The following FOXRED1 variants were observed in gnomAD, a reference collection of about 807,000 sequenced individuals.
The protein encoded by FOXRED1 is FAD-dependent oxidoreductase domain-containing protein 1.
Under a neutral mutation model 57.8 loss-of-function variants are expected in FOXRED1, and 52 were observed. The observed-to-expected ratio is 0.90, with a 90% confidence interval of 0.72 to 1.13. The LOEUF is 1.13. Ranked by LOEUF, FOXRED1 falls within the 50% of genes most tolerant of loss-of-function variation. FOXRED1 has a pLI of 0.00. For synonymous variants in FOXRED1, 271 were observed against 248.3 expected (o/e 1.09, Z -0.86); for missense variants, 589 against 625.2 (o/e 0.94, Z 0.62).
chr11:126,275,391 G>A lies in FOXRED1; in HGVS notation c.696G>A (p.Gln232=). The part of the protein sequence containing the change: ...CLLQGLRRKV[Q]SLGVLFCQGE... The stretch of plus-strand genomic sequence containing the variant: ...TCCAGGGGCTTCGGCGAAAGGTCCA[G>A]TCCTTGGGAGTCCTTTTCTGCCAGG... Residue 232 remains glutamine, a synonymous_variant, in exon 6 of 11, where the codon CAG becomes CAA. Coordinates refer to ENST00000263578, the MANE Select transcript of FOXRED1 (RefSeq NM_017547.4). The surrounding 1 kb of genome is among the most constrained non-coding windows in gnomAD (Gnocchi z 5.9). 1.9e-6 allele frequency: 3 copies of A among 1,613,874 alleles called. No homozygotes were observed. Among genetic ancestry groups the A allele is most frequent in the Non-Finnish European group, 8.5e-7 (1 of 1,179,796 alleles).
chr11:126,276,454 C>T lies in FOXRED1; in HGVS notation c.1032C>T (p.Asp344=), dbSNP rs1400208510. 3.1e-6 allele frequency: 5 copies of T among 1,607,688 alleles called. No individual in the cohort carries two copies. Among genetic ancestry groups the T allele is most frequent in the Non-Finnish European group, 4.2e-6 (5 of 1,177,144 alleles). ...GCCTAGAGACTCCGCTTGTTGCAGACACCAGTGGAGCCTATTTTCGCCGGG... is the reference window on the plus strand; with the variant it reads ...GCCTAGAGACTCCGCTTGTTGCAGATACCAGTGGAGCCTATTTTCGCCGGG... ...GPGLETPLVA[D]TSGAYFRREG... The change falls in exon 9 of 11, where the codon GAC becomes GAT. Residue 344 remains aspartate (D), a synonymous_variant. Coordinates refer to ENST00000263578, the MANE Select transcript of FOXRED1 (RefSeq NM_017547.4).
In FOXRED1 at chr11:126,275,283, G is replaced by A; in HGVS notation, c.632-44G>A. ...GCACAGGAAATACAATCCAAGAGCA[G>A]AAGTCCTCATCCCTCTTTGTGAGTT... is the stretch of plus-strand genomic sequence containing the variant. On this transcript the variant is annotated intron_variant, in intron 5 of 10. Transcript: ENST00000263578. This position sits in a 1 kb window ranked among gnomAD's most constrained non-coding sequence, Gnocchi z 5.9. The A allele has an allele frequency of 7.3e-7, 1 of 1,375,808 alleles. No individual in the cohort carries two copies. Among genetic ancestry groups the A allele is most frequent in the Non-Finnish European group, 1.0e-6 (1 of 962,648 alleles). The allele number at this position is 1,375,808 out of a possible 1,614,324, so 85.2% of individuals were successfully genotyped here.
rs1951115272 is a variant in FOXRED1 at position 126,275,870 on chromosome 11, T to G, written c.810T>G (p.His270Gln). Residue 270 changes from histidine (H) to glutamine (Q), a missense_variant and splice_region_variant, in exon 7 of 11, where the codon CAT becomes CAG. By Grantham distance (24) the His-to-Gln change is conservative (BLOSUM62 0). Transcript: ENST00000263578. The surrounding 1 kb of genome is among the most constrained non-coding windows in gnomAD (Gnocchi z 5.9). ...AVVLKRIHEV[H>Q]VKMDRSLEYQ... ...TCTTGAAAAGGATCCATGAAGTCCA[T>G]GTAAGTTTCTAGTCTGTGATGTCCT... 15 of 1,604,570 alleles carry G rather than the reference T, an allele frequency of 9.3e-6. No homozygotes were observed. Among genetic ancestry groups the G allele is most frequent in the Admixed American group, 5.0e-5 (3 of 59,992 alleles).
At chr11:126,270,787 T>C (rs1480779466) in intron 1 of FOXRED1, among the ~76,000 whole-genome samples, 2 of 152,152 alleles carry the variant, frequency 1.3e-5, no homozygotes, top group Admixed American at 1.3e-4. Flanking sequence ...GAAAAGATAT[T>C]TCTAGCTATA....
rs1951040972 is a variant in FOXRED1, at chr11:126,273,257, G to C, written c.418-79G>C. The C allele has an allele frequency of 2.6e-6, 3 of 1,154,040 alleles. No individual in the cohort carries two copies. In the Admixed American group the frequency reaches 5.0e-5, roughly 19 times the overall value. 71.5% of individuals were successfully genotyped at this position (1,154,040 alleles called of 1,614,324 possible). ...AGGTCTGGGGCACTGAGCCTGGGGA[G>C]CTGTGGGGGAAGAAGGCAGGAAAAC... On this transcript the variant is annotated intron_variant, in intron 3 of 10. Transcript: ENST00000263578. The surrounding 1 kb of genome is among the most constrained non-coding windows in gnomAD (Gnocchi z 5.9).
At position 126,271,930 on chromosome 11, in the gene FOXRED1, A is replaced by C; in HGVS notation, c.306+273A>C. 1 of 442,000 alleles carries C rather than the reference A, an allele frequency of 2.3e-6. No individual in the cohort carries two copies. The highest frequency in any genetic ancestry group is 4.2e-6 in the Non-Finnish European group (1 of 238,132). 27.4% of individuals were successfully genotyped at this position (442,000 alleles called of 1,614,324 possible). On this transcript the variant is annotated intron_variant, in intron 2 of 10. Transcript: ENST00000263578. The surrounding 1 kb of genome is among the most constrained non-coding windows in gnomAD (Gnocchi z 5.3). ...CATAGCTCTGGTCATGAGAGCCTGC[A>C]TTCAAGCTATAATTAAGTGTCTCAA...
Position 126,275,717 on chromosome 11 carries a change from C to T in FOXRED1, c.734-77C>T. The T allele has an allele frequency of 9.6e-7, 1 of 1,043,788 alleles. No homozygotes were observed. The highest frequency in any genetic ancestry group is 1.5e-6 in the Non-Finnish European group (1 of 670,512). 64.7% of individuals were successfully genotyped at this position (1,043,788 alleles called of 1,614,324 possible). A position where few individuals can be genotyped will look rare whatever the true frequency, so the allele number is the denominator to read the frequency against. On this transcript the variant is annotated intron_variant, in intron 6 of 10. Coordinates refer to ENST00000263578, the MANE Select transcript of FOXRED1 (RefSeq NM_017547.4). The surrounding 1 kb of genome is among the most constrained non-coding windows in gnomAD (Gnocchi z 5.9). The stretch of plus-strand genomic sequence containing the variant: ...GCTCCCATCCTTCCAGCTTTCTTTC[C>T]TTAAGAAACCAGTGAAATCCCCATT...
In FOXRED1 at chr11:126,277,687, T is replaced by C; in HGVS notation, c.1459T>C (p.Ter487ArgextTer64). 6.2e-7 allele frequency: 1 copy of C among 1,613,502 alleles called. No homozygotes were observed. ...GEKIQENNII[*>R] is the part of the protein sequence containing the mutation. ...GAAGATCCAGGAGAACAACATCATC[T>C]GAGCATGTGTGCTCTGCACTGGCTC... is the stretch of plus-strand genomic sequence containing the variant. The change falls in exon 11 of 11, where the codon TGA (stop) becomes CGA (arginine). Residue 487 changes from the stop codon to arginine, a stop_lost. Coordinates refer to ENST00000263578, the MANE Select transcript of FOXRED1 (RefSeq NM_017547.4). This position sits in a 1 kb window ranked among gnomAD's most constrained non-coding sequence, Gnocchi z 6.8.
At position 126,276,535 on chromosome 11, in the gene FOXRED1, G is replaced by A. The variant is rs1212098547; in HGVS notation, c.1101+12G>A. The A allele has an allele frequency of 3.1e-6, 5 of 1,602,648 alleles. 1 individual carries two copies. Among genetic ancestry groups the A allele is most frequent in the East Asian group, 2.3e-5 (1 of 44,294 alleles). ...GTAGCCCCACTGAGGTAAGCTGAGT[G>A]GGGTGGGACATGCTGGCAAGGAGAC... On this transcript the variant is annotated intron_variant, in intron 9 of 10. Transcript: ENST00000263578.
intron 1 of FOXRED1, among the ~76,000 whole-genome samples, chr11:126,270,772 GT>G (rs1565351249): frequency 1.3e-5 from 2 of 152,316 alleles, no homozygotes; most frequent in Non-Finnish European, 2.9e-5. Flanking sequence ...TTAAATTTGT[GT>G]TTTGAAAAGA....
In FOXRED1 at chr11:126,277,010, A is replaced by C; in HGVS notation, c.1102-61A>C. The C allele has an allele frequency of 2.9e-6, 3 of 1,040,434 alleles. No individual in the cohort carries two copies. Among genetic ancestry groups the C allele is most frequent in the South Asian group, 2.5e-5 (2 of 79,634 alleles). The allele number at this position is 1,040,434 out of a possible 1,614,324, so 64.5% of individuals were successfully genotyped here. ...CCTACCTGCACAGGGATTGTTAAACAAGTCTGGGCCTGTCCTTGTGTCCCA... is the reference window on the plus strand; with the variant it reads ...CCTACCTGCACAGGGATTGTTAAACCAGTCTGGGCCTGTCCTTGTGTCCCA... On this transcript the variant is annotated intron_variant, in intron 9 of 10. Transcript: ENST00000263578. This position sits in a 1 kb window ranked among gnomAD's most constrained non-coding sequence, Gnocchi z 6.8.
intron 1 of FOXRED1, among the ~76,000 whole-genome samples, chr11:126,270,348 A>G (rs1312840181): frequency 6.6e-6 from 1 of 152,226 alleles, no homozygotes; most frequent in African/African-American, 2.4e-5. Flanking sequence ...TAAGATACTT[A>G]CTGAGCACTT....
intron 9 of FOXRED1, 80 bp from the exon 10 acceptor site, chr11:126,276,991 T>A (rs1951170149): frequency 2.2e-6 from 2 of 890,874 alleles, no homozygotes. Context: ...ATCCCCTACC[T>A]GCACAGGGAT....
chr11:126,269,803 A>G (rs991880849), intron 1 of FOXRED1, among the ~76,000 whole-genome samples: 2 of 152,028 alleles, frequency 1.3e-5, no homozygotes, highest in African/African-American at 2.4e-5. Flanking sequence ...CCTGACCAAC[A>G]TGGTGAAACA....
intron 9 of FOXRED1, 160 bp from the exon 10 acceptor site, chr11:126,276,911 T>TG: frequency 1.5e-6 from 1 of 653,800 alleles, no homozygotes; most frequent in Non-Finnish European, 2.8e-6. Flanking sequence ...CAGCCTTTTT[T>TG]GGGGGGCTGT....
At chr11:126,269,665 A>G (rs1296333767) in intron 1 of FOXRED1, among the ~76,000 whole-genome samples, 1 of 152,104 alleles carries the variant, frequency 6.6e-6, no homozygotes, top group East Asian at 1.9e-4. Context: ...GTGTACCTAG[A>G]GAGGGAAAAT....
chr11:126,275,666 CTGTT>C lies in FOXRED1; in HGVS notation c.734-125_734-122del, dbSNP rs1031906498. The C allele has an allele frequency of 6.9e-5, 52 of 756,236 alleles. No homozygotes were observed. The highest frequency in any genetic ancestry group is 8.4e-5 in the Non-Finnish European group (36 of 429,976). The allele number at this position is 756,236 out of a possible 1,614,324, so 46.8% of individuals were successfully genotyped here. A position where few individuals can be genotyped will look rare whatever the true frequency, so the allele number is the denominator to read the frequency against. ...CAAGCTCATGCCAGCTCCCTCATCT[CTGTT>C]TGCTTCAGTGTCTGTGGGAAAGCTC... On this transcript the variant is annotated intron_variant, in intron 6 of 10. Transcript: ENST00000263578. The surrounding 1 kb of genome is among the most constrained non-coding windows in gnomAD (Gnocchi z 5.9).
Position 126,271,897 on chromosome 11 carries a change from C to A in FOXRED1, c.306+240C>A. On this transcript the variant is annotated intron_variant, in intron 2 of 10. Transcript: ENST00000263578. This position sits in a 1 kb window ranked among gnomAD's most constrained non-coding sequence, Gnocchi z 5.3. ...GCAGATATCACCATATTGGATTTTT[C>A]GAGATCTCATAGCTCTGGTCATGAG... is the stretch of plus-strand genomic sequence containing the variant. 2.0e-6 allele frequency: 1 copy of A among 500,622 alleles called. No individual in the cohort carries two copies. The highest frequency in any genetic ancestry group is 3.7e-6 in the Non-Finnish European group (1 of 272,558). The allele number at this position is 500,622 out of a possible 1,614,324, so 31.0% of individuals were successfully genotyped here. A position where few individuals can be genotyped will look rare whatever the true frequency, so the allele number is the denominator to read the frequency against.
Position 126,274,180 on chromosome 11 carries a change from T to C in FOXRED1, c.536+726T>C, listed in dbSNP as rs1040852288. The C allele has an allele frequency of 1.3e-5, 2 of 158,202 alleles. No individual in the cohort carries two copies. Among genetic ancestry groups the C allele is most frequent in the African/African-American group, 4.8e-5 (2 of 41,454 alleles). 9.8% of individuals were successfully genotyped at this position (158,202 alleles called of 1,614,324 possible). The stretch of plus-strand genomic sequence containing the variant: ...AGTAAGTGGTGGCGGTAGGATCTTA[T>C]TTGAAGCCAGCAGTCTGGCTTGTGA... On this transcript the variant is annotated intron_variant, in intron 4 of 10. Coordinates refer to ENST00000263578, the MANE Select transcript of FOXRED1 (RefSeq NM_017547.4). The surrounding 1 kb of genome is among the most constrained non-coding windows in gnomAD (Gnocchi z 4.8).
Sources: allele counts gnomAD v4.1 joint callset (sites outside exome capture counted in the v4.1 genomes callset), GRCh38; gene constraint gnomAD v4.1.1; non-coding constraint Gnocchi (gnomAD v3.1); transcripts MANE v1.5; gene names NCBI Gene and HGNC (gene_info 2026-07-23, HGNC 2026-07-21).